NOS1AP: variants seen among roughly 807,000 people sequenced by gnomAD.
NOS1AP encodes carboxyl-terminal PDZ ligand of neuronal nitric oxide synthase protein.
Under a neutral mutation model 56.2 loss-of-function variants are expected in NOS1AP, and 21 were observed. The observed-to-expected ratio is 0.37, with a 90% CI of 0.26 to 0.54. The LOEUF is 0.54. Ranked by LOEUF, NOS1AP falls within the 20% of genes least tolerant of loss-of-function variation. NOS1AP has a pLI of 0.84. For synonymous variants in NOS1AP, 270 were observed against 274.6 expected (o/e 0.98, Z 0.17); for missense variants, 522 against 657.8 (o/e 0.79, Z 2.26).
At chr1:162,242,989 AC>A (rs148349069) in intron 2 of NOS1AP, among the ~76,000 whole-genome samples, 33,404 of 151,854 alleles carry the variant, frequency 0.22, 4,099 homozygotes, top group East Asian at 0.51. Context: ...ATATACGCAT[AC>A]CCATGTATAC....
At chr1:162,301,401 A>C (rs2101754488) in intron 4 of NOS1AP, among the ~76,000 whole-genome samples, 1 of 152,340 alleles carries the variant, frequency 6.6e-6, no homozygotes, top group East Asian at 1.9e-4. Flanking sequence ...CTAGATGCCG[A>C]ATCTGCCAGC....
chr1:162,187,313 T>C (rs1651474311), intron 2 of NOS1AP, among the ~76,000 whole-genome samples: 1 of 152,210 alleles, frequency 6.6e-6, no homozygotes, highest in African/African-American at 2.4e-5. Context: ...TAATAGTTTA[T>C]ATGATTACTT....
chr1:162,340,653 G>A (rs765418101), intron 5 of NOS1AP, among the ~76,000 whole-genome samples: 3 of 152,174 alleles, frequency 2.0e-5, no homozygotes, highest in African/African-American at 4.8e-5. Context: ...AGAGAACAAC[G>A]GGTGGAGGGA....
chr1:162,260,919 T>G (rs1341996180), intron 2 of NOS1AP, among the ~76,000 whole-genome samples: 2 of 152,074 alleles, frequency 1.3e-5, no homozygotes, highest in Admixed American at 6.6e-5. Flanking sequence ...ATTATGTAGT[T>G]TATATATTGG....
intron 2 of NOS1AP, among the ~76,000 whole-genome samples, chr1:162,166,973 C>G (rs1650530400): frequency 6.6e-6 from 1 of 152,142 alleles, no homozygotes; most frequent in Admixed American, 6.5e-5. Context: ...TCCATCAGGT[C>G]CAGGTTGAAA....
chr1:162,142,233 T>G (rs1649267601), intron 1 of NOS1AP, among the ~76,000 whole-genome samples: 1 of 152,210 alleles, frequency 6.6e-6, no homozygotes, highest in Admixed American at 6.5e-5. Flanking sequence ...TTATTTAATC[T>G]TTACAGTGGC....
intron 2 of NOS1AP, among the ~76,000 whole-genome samples, chr1:162,187,710 C>T (rs767973820): frequency 6.6e-6 from 1 of 152,100 alleles, no homozygotes; most frequent in Non-Finnish European, 1.5e-5. Flanking sequence ...GGAGATAGTT[C>T]ATGGAAATGT....
intron 2 of NOS1AP, among the ~76,000 whole-genome samples, chr1:162,234,073 T>C (rs1001030579): frequency 3.3e-5 from 5 of 152,216 alleles, no homozygotes; most frequent in Non-Finnish European, 5.9e-5. Context: ...AAGACCAACA[T>C]GCATAGAGAG....
chr1:162,078,152 T>C (rs1237350414), intron 1 of NOS1AP, among the ~76,000 whole-genome samples: 1 of 152,146 alleles, frequency 6.6e-6, no homozygotes, highest in Non-Finnish European at 1.5e-5. Context: ...CTCCTTTGGA[T>C]TCTATCTACT....
chr1:162,266,598 G>T (rs1450221589), intron 2 of NOS1AP, among the ~76,000 whole-genome samples: 2 of 152,196 alleles, frequency 1.3e-5, no homozygotes, highest in East Asian at 3.9e-4. Flanking sequence ...TTTGCATTCT[G>T]GTTCATGGTC....
At chr1:162,090,081 A>G (rs1477355999) in intron 1 of NOS1AP, among the ~76,000 whole-genome samples, 1 of 152,092 alleles carries the variant, frequency 6.6e-6, no homozygotes, top group Non-Finnish European at 1.5e-5. Context: ...TCTTGTTTCT[A>G]GTCACTTTGA....
At chr1:162,239,781 A>G (rs913979468) in intron 2 of NOS1AP, among the ~76,000 whole-genome samples, 32 of 152,210 alleles carry the variant, frequency 2.1e-4, no homozygotes, top group African/African-American at 7.5e-4. Flanking sequence ...AAGCAGCATA[A>G]ACAAGTAGGG....
intron 2 of NOS1AP, among the ~76,000 whole-genome samples, chr1:162,194,645 C>T (rs564230674): frequency 3.3e-4 from 50 of 152,234 alleles, no homozygotes; most frequent in Middle Eastern, 6.8e-3. Context: ...CACATAAAAG[C>T]TGTCCTGGGG....
chr1:162,261,662 G>C (rs4436367), intron 2 of NOS1AP, among the ~76,000 whole-genome samples: 151,836 of 152,196 alleles, frequency 1, 75,739 homozygotes, highest in Non-Finnish European at 1. Context: ...CTGGAAAAGT[G>C]AAGGAAATGG....
At chr1:162,292,771 A>G (rs1348128320) in intron 3 of NOS1AP, among the ~76,000 whole-genome samples, 2 of 152,244 alleles carry the variant, frequency 1.3e-5, no homozygotes, top group Non-Finnish European at 2.9e-5. Context: ...CTGCCCAAAC[A>G]GTAGTGCTGG....
chr1:162,327,706 A>AG (rs1221651899), intron 4 of NOS1AP, among the ~76,000 whole-genome samples: 1 of 152,240 alleles, frequency 6.6e-6, no homozygotes, highest in African/African-American at 2.4e-5. Context: ...AAGAAAAAAA[A>AG]CATGATCAGA....
intron 2 of NOS1AP, among the ~76,000 whole-genome samples, chr1:162,171,377 T>C (rs950587881): frequency 5.3e-5 from 8 of 152,282 alleles, no homozygotes; most frequent in Admixed American, 4.6e-4. Flanking sequence ...CTTGCTGTTA[T>C]TGGAAAGGGT....
At chr1:162,365,261 C>T in intron 8 of NOS1AP, 143 bp from the exon 9 acceptor site, 2 of 1,507,244 alleles carry the variant, frequency 1.3e-6, no homozygotes, top group Non-Finnish European at 1.8e-6. Context: ...GCCCAGATGC[C>T]CATGCTGCCC....
chr1:162,181,512 T>C (rs1215447533), intron 2 of NOS1AP, among the ~76,000 whole-genome samples: 1 of 152,268 alleles, frequency 6.6e-6, no homozygotes, highest in Admixed American at 6.5e-5. Context: ...GCATAATTTT[T>C]ACTTCATTTT....
Sources: gnomAD v4.1 joint callset for allele counts (sites outside exome capture counted in the v4.1 genomes callset) on GRCh38, gnomAD v4.1.1 for gene constraint, MANE v1.5 for transcripts, NCBI Gene and HGNC (gene_info 2026-07-23, HGNC 2026-07-21) for gene names.